Variants in ZNF446 observed in about 807,000 individuals in gnomAD.
The protein encoded by ZNF446 is zinc finger protein 446, also known as zinc finger protein with KRAB and SCAN domains 20.
In ZNF446, 42 loss-of-function variants were observed where a neutral mutation model predicts 34.0. The observed-to-expected ratio is 1.23, with a 90% CI of 0.96 to 1.60. The LOEUF is 1.60. Ranked by LOEUF, ZNF446 falls within the 40% of genes most tolerant of loss-of-function variation. ZNF446 has a pLI of 0.00. For missense variants in ZNF446, 650 were observed against 600.2 expected, an observed-to-expected ratio of 1.08 and a Z score of -0.87; for synonymous variants, 315 against 251.0, an observed-to-expected ratio of 1.25 and a Z score of -2.41.
the ZNF446 span, among the ~76,000 whole-genome samples, chr19:58,488,855 A>C: frequency 1.3e-5 from 2 of 151,340 alleles, no homozygotes; most frequent in African/African-American, 2.4e-5. Context: ...CGTCAAAAAA[A>C]AAAAAAAAAC....
At position 58,477,458 on chromosome 19, in the gene ZNF446, C is replaced by T. The variant is rs548707132; in HGVS notation, c.240C>T (p.Pro80=). 32 of 1,613,590 alleles carry T rather than the reference C, an allele frequency of 2.0e-5. 1 individual carries two copies. In the South Asian group the frequency reaches 3.1e-4, roughly 16 times the overall value. Residue 80 remains proline, a synonymous_variant, in exon 2 of 7, where the codon CCC becomes CCT. Transcript: ENST00000594369. The part of the protein sequence containing the change: ...VLEQFLGTLP[P]EIQAWVRGQR... ...AGCAGTTCCTGGGCACACTGCCTCC[C>T]GAGATCCAGGCCTGGGTGCGCGGTC...
chr19:58,479,909 C>T (rs1267594489), intron 5 of ZNF446, 21 bp from the exon 6 acceptor site: 3 of 1,550,570 alleles, frequency 1.9e-6, no homozygotes, highest in Non-Finnish European at 2.6e-6. Context: ...CCATGCCTAA[C>T]TGTGCCCCCC....
the ZNF446 span, among the ~76,000 whole-genome samples, chr19:58,487,174 G>A: frequency 1.3e-5 from 2 of 152,156 alleles, no homozygotes; most frequent in African/African-American, 4.8e-5. Flanking sequence ...AGGCAGCACA[G>A]AACAGGACCT....
chr19:58,481,777 G>GGTTTTGTTTT (rs113757723), downstream of ZNF446, among the ~76,000 whole-genome samples: 31 of 151,906 alleles, frequency 2.0e-4, no homozygotes, highest in African/African-American at 6.8e-4. Flanking sequence ...CTAAAATCAA[G>GGTTTTGTTTT]GTTTTGTTTT....
Position 58,478,094 on chromosome 19 carries a change from C to T in ZNF446, c.540C>T (p.Ser180=). 1.2e-6 allele frequency: 2 copies of T among 1,613,282 alleles called. No individual in the cohort carries two copies. The highest frequency in any genetic ancestry group is 1.7e-6 in the Non-Finnish European group (2 of 1,179,502). ...PNVDGQEVAP[S]SPPLAAQSPE... ...ATCTGCCCCACTTTTCAGCACCCTC[C>T]AGCCCTCCACTTGCAGCACAGTCCC... Residue 180 remains serine, a synonymous_variant, in exon 4 of 7, where the codon TCC becomes TCT. Transcript: ENST00000594369.
rs1231955659 is a variant in ZNF446, at chr19:58,480,736, C to T, written c.*10C>T. ...GCCGGAGGTTCCATGAGCAGCCAGA[C>T]AGCACAGTCCCTCGGGGCCTCGGTG... On this transcript the variant is annotated 3_prime_UTR_variant, in exon 7 of 7. Transcript: ENST00000594369. The surrounding 1 kb of genome is among the most constrained non-coding windows in gnomAD (Gnocchi z 7.2). 1.2e-5 allele frequency: 19 copies of T among 1,595,168 alleles called. No individual in the cohort carries two copies. Among genetic ancestry groups the T allele is most frequent in the African/African-American group, 4.0e-5 (3 of 74,746 alleles).
chr19:58,478,880 TG>T (rs143938032), intron 4 of ZNF446, among the ~76,000 whole-genome samples: 1,912 of 152,188 alleles, frequency 0.013, 20 homozygotes, highest in Non-Finnish European at 0.019. Context: ...CCCCCACACC[TG>T]AGACCAGATG....
intron 3 of ZNF446, 40 bp downstream of exon 3, chr19:58,477,866 G>C: frequency 6.7e-7 from 1 of 1,487,690 alleles, no homozygotes; most frequent in South Asian, 1.4e-5. Flanking sequence ...GACTCCTGGA[G>C]GAAGTGTGGA....
chr19:58,480,238 G>A lies in ZNF446; in HGVS notation c.865G>A (p.Ala289Thr). Reference protein sequence around the residue: ...EAQPPQGPGPAAWEGLSGAAT... With the variant: ...EAQPPQGPGPTAWEGLSGAAT... ...CCAGCCGCCCCAGGGCCCAGGGCCG[G>A]CAGCCTGGGAGGGCTTGTCTGGGGC... is the stretch of plus-strand genomic sequence containing the variant. Residue 289 changes from alanine (A) to threonine (T), a missense_variant, in exon 7 of 7, where the codon GCA becomes ACA. Coordinates refer to ENST00000594369, the MANE Select transcript of ZNF446 (RefSeq NM_017908.4). The surrounding 1 kb of genome is among the most constrained non-coding windows in gnomAD (Gnocchi z 7.2). The A allele has an allele frequency of 1.3e-6, 2 of 1,588,682 alleles. No individual in the cohort carries two copies. The highest frequency in any genetic ancestry group is 2.3e-5 in the East Asian group (1 of 44,034).
At chr19:58,483,073 A>G (rs2053150813), downstream of ZNF446, among the ~76,000 whole-genome samples, 1 of 152,212 alleles carries the variant, frequency 6.6e-6, no homozygotes, top group Admixed American at 6.5e-5. Flanking sequence ...AAGTTTACAT[A>G]TAGAAGTGGT....
chr19:58,480,850 C>A lies in ZNF446; in HGVS notation c.*124C>A. 1 of 1,179,422 alleles carries A rather than the reference C, an allele frequency of 8.5e-7. No individual in the cohort carries two copies. The highest frequency in any genetic ancestry group is 1.2e-6 in the Non-Finnish European group (1 of 851,390). 73.1% of individuals were successfully genotyped at this position (1,179,422 alleles called of 1,614,324 possible). The stretch of plus-strand genomic sequence containing the variant: ...CCAGAGTGAACAAGGGGTCCCAAGC[C>A]AGTTCCCTGCCCCTGGTCTGGTCTC... On this transcript the variant is annotated 3_prime_UTR_variant, in exon 7 of 7. Coordinates refer to ENST00000594369, the MANE Select transcript of ZNF446 (RefSeq NM_017908.4). This position sits in a 1 kb window ranked among gnomAD's most constrained non-coding sequence, Gnocchi z 7.2.
rs2053119198 is a variant in ZNF446, at chr19:58,479,657, G to A, written c.642G>A (p.Leu214=). 1.2e-6 allele frequency: 2 copies of A among 1,613,888 alleles called. No individual in the cohort carries two copies. Among genetic ancestry groups the A allele is most frequent in the Non-Finnish European group, 1.7e-6 (2 of 1,179,956 alleles). ...CACATCCGCAGGAGGAGTGGGGGCT[G>A]CTGGACCGGTCACAGAAGGAACTGT... ...HPPRIQEEWG[L]LDRSQKELYW... The change falls in exon 5 of 7, where the codon CTG becomes CTA. Residue 214 remains leucine, a synonymous_variant. Transcript: ENST00000594369.
Position 58,480,758 on chromosome 19 carries a change from G to C in ZNF446, c.*32G>C. On this transcript the variant is annotated 3_prime_UTR_variant, in exon 7 of 7. Transcript: ENST00000594369. The surrounding 1 kb of genome is among the most constrained non-coding windows in gnomAD (Gnocchi z 7.2). ...AGACAGCACAGTCCCTCGGGGCCTC[G>C]GTGTTCTCGGGGCCTGGATACAGCC... 1.3e-6 allele frequency: 2 copies of C among 1,577,692 alleles called. No homozygotes were observed. Among genetic ancestry groups the C allele is most frequent in the Non-Finnish European group, 1.7e-6 (2 of 1,164,946 alleles).
Position 58,477,419 on chromosome 19 carries a change from G to A in ZNF446, c.201G>A (p.Glu67=), listed in dbSNP as rs2053097497. 6.2e-7 allele frequency: 1 copy of A among 1,613,440 alleles called. No homozygotes were observed. Among genetic ancestry groups the A allele is most frequent in the Admixed American group, 1.7e-5 (1 of 60,002 alleles). ...CACACTCCAAGGAGCAGATGCTGGA[G>A]ATGCTGGTGCTGGAGCAGTTCCTGG... ...PEAHSKEQML[E]MLVLEQFLGT... Residue 67 remains glutamate, a synonymous_variant, in exon 2 of 7, where the codon GAG becomes GAA. Coordinates refer to ENST00000594369, the MANE Select transcript of ZNF446 (RefSeq NM_017908.4).
At position 58,477,252 on chromosome 19, in the gene ZNF446, G is replaced by A. The variant is rs151034980; in HGVS notation, c.34G>A (p.Val12Ile). 199 of 1,597,982 alleles carry A rather than the reference G, an allele frequency of 1.2e-4. No individual in the cohort carries two copies. In the South Asian group the frequency reaches 1.9e-3, roughly 15 times the overall value. ...CCCTCTGGGTCCCCCATGCCTGCCC[G>A]TCATGGACCCAGAGACCACCCTTGA... ...PSPLGPPCLP[V>I]MDPETTLEEP... Residue 12 changes from valine (V) to isoleucine (I), a missense_variant, in exon 2 of 7, where the codon GTC becomes ATC. Val to Ile is a conservative substitution (Grantham distance 29). Transcript: ENST00000594369.
chr19:58,479,693 G>C lies in ZNF446; in HGVS notation c.678G>C (p.Ala226=), dbSNP rs773970802. 1.7e-5 allele frequency: 27 copies of C among 1,613,632 alleles called. No individual in the cohort carries two copies. Among genetic ancestry groups the C allele is most frequent in the African/African-American group, 2.7e-5 (2 of 74,866 alleles). ...DRSQKELYWD[A]MLEKYGTVVS... Reference sequence around the variant, plus strand: ...CACAGAAGGAACTGTACTGGGATGCGATGCTGGAGAAGTACGGCACAGTGG... The same window carrying C: ...CACAGAAGGAACTGTACTGGGATGCCATGCTGGAGAAGTACGGCACAGTGG... Residue 226 remains alanine, a synonymous_variant, in exon 5 of 7, where the codon GCG becomes GCC. Transcript: ENST00000594369.
downstream of ZNF446, among the ~76,000 whole-genome samples, chr19:58,484,887 A>G (rs1338626916): frequency 6.6e-6 from 1 of 151,858 alleles, no homozygotes; most frequent in East Asian, 1.9e-4. Context: ...GTGAAACTCC[A>G]TCTCTAGTAA....
chr19:58,482,800 G>C (rs2053149241), downstream of ZNF446, among the ~76,000 whole-genome samples: 1 of 152,148 alleles, frequency 6.6e-6, no homozygotes, highest in Admixed American at 6.5e-5. Flanking sequence ...AGCTGTGCTG[G>C]GGACAGAGAA....
downstream of ZNF446, among the ~76,000 whole-genome samples, chr19:58,484,655 G>A (rs555376933): frequency 3.9e-5 from 6 of 151,988 alleles, 1 homozygote; most frequent in South Asian, 6.2e-4. Context: ...AACATAGCAA[G>A]ACCATGTCTC....
Sources: gnomAD v4.1 joint callset for allele counts (sites outside exome capture counted in the v4.1 genomes callset) on GRCh38, gnomAD v4.1.1 for gene constraint, Gnocchi (gnomAD v3.1) non-coding constraint, MANE v1.5 for transcripts, NCBI Gene and HGNC (gene_info 2026-07-23, HGNC 2026-07-21) for gene names.